The following NFIC variants were observed in gnomAD, a reference collection of about 807,000 sequenced individuals.
NFIC encodes the protein nuclear factor I C, also known as nuclear factor 1 C-type.
NFIC carries 12 observed loss-of-function variants against 54.4 expected under a neutral mutation model. The ratio of observed to expected loss-of-function variants is 0.22; its 90% CI spans 0.14 to 0.36. The LOEUF is 0.36. NFIC is among the 10% of genes least tolerant of loss of function. NFIC has a pLI of 1.00. For missense variants in NFIC, 575 were observed against 718.2 expected, an observed-to-expected ratio of 0.80 and a Z score of 2.28; for synonymous variants, 322 against 319.2, an observed-to-expected ratio of 1.01 and a Z score of -0.09.
At chr19:3,392,067 CTTTTTTTTTTT>C (rs781703569) in intron 2 of NFIC, among the ~76,000 whole-genome samples, 6 of 101,314 alleles carry the variant, frequency 5.9e-5, no homozygotes, top group South Asian at 3.4e-4. Flanking sequence ...GATAATAGCT[CTTTTTTTTTTT>C]TTTTTTTTTT....
chr19:3,455,029 C>G lies in NFIC; in HGVS notation c.1423+1113C>G, dbSNP rs2082530242. ...CTCTGAGCCTCAGTTTTCTCAGCTG[C>G]AAAGTGGGTTTGCCTTGGTGCCCAA... On this transcript the variant is annotated intron_variant, in intron 9 of 10. Transcript: ENST00000443272. 2.0e-5 allele frequency among the ~76,000 whole-genome samples: 3 copies of G among 152,180 alleles called. No individual in the cohort carries two copies. In the South Asian group the frequency reaches 6.2e-4, roughly 31 times the overall value.
At chr19:3,383,180 T>G (rs748427777) in intron 2 of NFIC, among the ~76,000 whole-genome samples, 2 of 152,196 alleles carry the variant, frequency 1.3e-5, no homozygotes, top group Admixed American at 6.5e-5. Flanking sequence ...CTGTGAATGC[T>G]TGTTGGTTGA....
At chr19:3,430,443 C>T (rs2082102333) in intron 3 of NFIC, among the ~76,000 whole-genome samples, 2 of 151,966 alleles carry the variant, frequency 1.3e-5, no homozygotes, top group African/African-American at 4.8e-5. Context: ...AGGCTGGTCT[C>T]GAACTCTTGA....
intron 3 of NFIC, among the ~76,000 whole-genome samples, chr19:3,425,993 G>A (rs952990421): frequency 7.9e-6 from 1 of 125,880 alleles, no homozygotes; most frequent in African/African-American, 3.1e-5. Context: ...AGAGTGCAGT[G>A]GCGCGATCTC....
upstream of NFIC, among the ~76,000 whole-genome samples, chr19:3,363,227 A>ATGTGTGTG (rs1236874934): frequency 1.2e-3 from 54 of 45,190 alleles, 1 homozygote; most frequent in African/African-American, 4.7e-3. Flanking sequence ...ATGTATATGT[A>ATGTGTGTG]TGTGTATGTG....
chr19:3,418,158 A>G (rs2345366), intron 2 of NFIC, among the ~76,000 whole-genome samples: 128,201 of 148,660 alleles, frequency 0.86, 55,356 homozygotes, highest in East Asian at 0.93. Flanking sequence ...GAGTGCGGTG[A>G]CTCCATCATA....
chr19:3,414,978 T>C (rs2081829537), intron 2 of NFIC, among the ~76,000 whole-genome samples: 1 of 152,090 alleles, frequency 6.6e-6, no homozygotes, highest in African/African-American at 2.4e-5. Context: ...TAGCTGGGAT[T>C]ACAGGTGCCT....
intron 1 of NFIC, among the ~76,000 whole-genome samples, chr19:3,372,573 G>T (rs2081038054): frequency 6.6e-6 from 1 of 152,214 alleles, no homozygotes; most frequent in African/African-American, 2.4e-5. Flanking sequence ...ACTCCTTGAG[G>T]ATGTGGTGTG....
At position 3,463,270 on chromosome 19, in the gene NFIC, G is replaced by A. The variant is rs1234425981; in HGVS notation, c.*501G>A. The A allele has an allele frequency of 1.1e-5, 11 of 990,280 alleles. No homozygotes were observed. The South Asian group carries it at 2.8e-4, about 25-fold the overall frequency. 61.3% of individuals were successfully genotyped at this position (990,280 alleles called of 1,614,324 possible). On this transcript the variant is annotated 3_prime_UTR_variant, in exon 11 of 11. Transcript: ENST00000443272. Reference sequence around the variant, plus strand: ...ACACCCAGCAAGGCCACCTCTCCCCGGGCCCCCGCGCCTCTGCCGGACACG... The same window carrying A: ...ACACCCAGCAAGGCCACCTCTCCCCAGGCCCCCGCGCCTCTGCCGGACACG...
chr19:3,405,902 C>G (rs1382774491), intron 2 of NFIC, among the ~76,000 whole-genome samples: 2 of 148,114 alleles, frequency 1.4e-5, no homozygotes, highest in East Asian at 3.9e-4. Flanking sequence ...CGCGCCCGGC[C>G]CCTTTTTCTT....
At chr19:3,366,436 A>C, upstream of NFIC, 1 of 493,654 alleles carries the variant, frequency 2.0e-6, no homozygotes, top group East Asian at 3.6e-5. Context: ...GGAGAGAGGG[A>C]CAGAGAGCGA....
Position 3,366,732 on chromosome 19 carries a change from G to A in NFIC, c.30+66G>A, listed in dbSNP as rs1290935500. ...CCCCGCATCCCAGCCCCGGAGTTTT[G>A]AAGCAGGAGGAGGCGGGACGAAAAA... On this transcript the variant is annotated intron_variant, in intron 1 of 10. Coordinates refer to ENST00000443272, the MANE Select transcript of NFIC (RefSeq NM_001245002.2). The A allele has an allele frequency of 2.6e-6, 3 of 1,173,166 alleles. No individual in the cohort carries two copies. The East Asian group carries it at 9.2e-5, about 36-fold the overall frequency. The allele number at this position is 1,173,166 out of a possible 1,614,324, so 72.7% of individuals were successfully genotyped here.
At chr19:3,400,611 C>T (rs1268236107) in intron 2 of NFIC, among the ~76,000 whole-genome samples, 1 of 152,028 alleles carries the variant, frequency 6.6e-6, no homozygotes, top group Non-Finnish European at 1.5e-5. Flanking sequence ...GGGGCCGAGG[C>T]GGGCAGATCA....
chr19:3,397,360 C>G (rs1410231234), intron 2 of NFIC, among the ~76,000 whole-genome samples: 2 of 152,230 alleles, frequency 1.3e-5, no homozygotes, highest in African/African-American at 2.4e-5. Flanking sequence ...CGTTCCGGAT[C>G]CTGCCTTTGG....
At position 3,456,404 on chromosome 19, in the gene NFIC, A is replaced by C. The variant is rs959877744; in HGVS notation, c.1424-146A>C. 8.5e-6 allele frequency: 6 copies of C among 706,218 alleles called. No individual in the cohort carries two copies. In the Admixed American group the frequency reaches 1.1e-4, roughly 12 times the overall value. 43.7% of individuals were successfully genotyped at this position (706,218 alleles called of 1,614,324 possible). ...AGGGGGGCCCGGTTCAACTGGGGGT[A>C]GGGCGGCAGGCTCGGAGGCCCCAGG... On this transcript the variant is annotated intron_variant, in intron 9 of 10. Coordinates refer to ENST00000443272, the MANE Select transcript of NFIC (RefSeq NM_001245002.2).
chr19:3,401,077 C>T (rs569225947), intron 2 of NFIC, among the ~76,000 whole-genome samples: 3 of 152,252 alleles, frequency 2.0e-5, no homozygotes, highest in South Asian at 4.1e-4. Context: ...GTGCAAAGGC[C>T]CTGCGGCAGG....
At chr19:3,373,619 C>T (rs1000337442) in intron 1 of NFIC, among the ~76,000 whole-genome samples, 7 of 99,546 alleles carry the variant, frequency 7.0e-5, no homozygotes, top group East Asian at 6.9e-4. Flanking sequence ...CTTCCTGGAC[C>T]CCCCCCCCAA....
intron 2 of NFIC, among the ~76,000 whole-genome samples, chr19:3,403,297 G>A (rs1012953754): frequency 6.6e-6 from 1 of 152,136 alleles, no homozygotes; most frequent in Admixed American, 6.5e-5. Context: ...CACATTCAAG[G>A]CAACATTTAA....
chr19:3,370,480 CCTCT>C lies in NFIC; in HGVS notation c.30+3833_30+3836del, dbSNP rs3834984. 5.3e-4 allele frequency among the ~76,000 whole-genome samples: 78 copies of C among 146,652 alleles called. No homozygotes were observed. The highest frequency in any genetic ancestry group is 7.4e-4 in the Admixed American group (11 of 14,862). ...GGGATTCTGGCAGAGTCAGCGTTCT[CCTCT>C]CTCTCTCTCTCTCTCTCTGTCTCCC... On this transcript the variant is annotated intron_variant, in intron 1 of 10. Transcript: ENST00000443272. This position sits in a 1 kb window ranked among gnomAD's most constrained non-coding sequence, Gnocchi z 5.2.
Sources: allele counts gnomAD v4.1 joint callset (sites outside exome capture counted in the v4.1 genomes callset), GRCh38; gene constraint gnomAD v4.1.1; non-coding constraint Gnocchi (gnomAD v3.1); transcripts MANE v1.5; gene names NCBI Gene and HGNC (gene_info 2026-07-23, HGNC 2026-07-21).